Variants in ACACA observed in about 807,000 individuals in gnomAD.
The protein encoded by ACACA is acetyl-CoA carboxylase alpha.
Under a neutral mutation model 296.1 loss-of-function variants are expected in ACACA, and 103 were observed. That is an observed-to-expected ratio of 0.35 (90% confidence interval 0.30 to 0.41). ACACA has a LOEUF of 0.41. Ranked by LOEUF, ACACA falls within the 10% of genes least tolerant of loss-of-function variation. ACACA has a pLI of 1.00. For missense variants in ACACA, 1,554 were observed against 2,989.7 expected, an observed-to-expected ratio of 0.52 and a Z score of 11.20; for synonymous variants, 953 against 1,038.6, an observed-to-expected ratio of 0.92 and a Z score of 1.58.
Position 37,113,097 on chromosome 17 carries a change from C to A in ACACA, c.6443G>T (p.Arg2148Leu). The A allele has an allele frequency of 6.2e-7, 1 of 1,614,142 alleles. No individual in the cohort carries two copies. Among genetic ancestry groups the A allele is most frequent in the Non-Finnish European group, 8.5e-7 (1 of 1,180,034 alleles). The change falls in exon 51 of 56, where the codon CGA becomes CTA. Residue 2148 changes from arginine to leucine, a missense_variant. This residue lies in a region of ACACA where 553 missense variants were observed against 1,043.6 expected (regional missense o/e 0.53). Transcript: ENST00000616317. The surrounding 1 kb of genome is among the most constrained non-coding windows in gnomAD (Gnocchi z 4.0). Reference protein sequence around the residue: ...NPRHMEMYADRESRGSVLEPE... With the variant: ...NPRHMEMYADLESRGSVLEPE... ...GTGGAAGGCACGCTACCTGCTTTCT[C>A]GGTCAGCATACATCTCCATGTGCCG...
chr17:37,094,612 T>A (rs2072872521), intron 54 of ACACA, among the ~76,000 whole-genome samples: 1 of 133,858 alleles, frequency 7.5e-6, no homozygotes, highest in Non-Finnish European at 1.6e-5. Context: ...AGATTGTACA[T>A]CACTCCTTCT....
At chr17:37,283,618 G>A (rs1262384361) in intron 4 of ACACA, among the ~76,000 whole-genome samples, 1 of 152,200 alleles carries the variant, frequency 6.6e-6, no homozygotes, top group African/African-American at 2.4e-5. Flanking sequence ...ACTTGAGTAT[G>A]TGCCAGCTAA....
chr17:37,182,549 G>A (rs1237636337), intron 39 of ACACA, among the ~76,000 whole-genome samples: 1 of 152,032 alleles, frequency 6.6e-6, no homozygotes, highest in African/African-American at 2.4e-5. Context: ...TATTTATAAA[G>A]GATGCCATTA....
intron 1 of ACACA, among the ~76,000 whole-genome samples, chr17:37,356,579 T>C (rs1281728493): frequency 1.3e-5 from 2 of 151,984 alleles, no homozygotes; most frequent in African/African-American, 2.4e-5. Flanking sequence ...GGGGTTTCAC[T>C]GTGTTAGCCA....
chr17:37,224,508 C>T lies in ACACA; in HGVS notation c.3474+484G>A, dbSNP rs79044852. On this transcript the variant is annotated intron_variant, in intron 27 of 55. Coordinates refer to ENST00000616317, the MANE Select transcript of ACACA (RefSeq NM_198834.3). ...AAATTAGACAATAATCTCTTAAAAACGGGCTTCTTATAAAGCTTAATAATA... is the reference window on the plus strand; with the variant it reads ...AAATTAGACAATAATCTCTTAAAAATGGGCTTCTTATAAAGCTTAATAATA... 9.8e-3 allele frequency among the ~76,000 whole-genome samples: 1,489 copies of T among 152,182 alleles called. 24 individuals carry two copies. Among genetic ancestry groups the T allele is most frequent in the African/African-American group, 0.034 (1,417 of 41,520 alleles).
At chr17:37,267,400 G>C (rs1333966302) in intron 10 of ACACA, among the ~76,000 whole-genome samples, 5 of 152,174 alleles carry the variant, frequency 3.3e-5, no homozygotes, top group Admixed American at 2.0e-4. Flanking sequence ...TAGTAGGCTA[G>C]AATGGGCTCT....
At chr17:37,217,386 A>G (rs2079056089) in intron 29 of ACACA, among the ~76,000 whole-genome samples, 1 of 151,822 alleles carries the variant, frequency 6.6e-6, no homozygotes, top group Non-Finnish European at 1.5e-5. Context: ...AATTTTGTCT[A>G]CTTCAAAAAC....
intron 41 of ACACA, among the ~76,000 whole-genome samples, chr17:37,170,600 G>T (rs1040391173): frequency 2.0e-5 from 3 of 152,184 alleles, no homozygotes; most frequent in African/African-American, 7.2e-5. Flanking sequence ...CAGCGATACA[G>T]AAAGGCATTA....
rs75971714 is a variant in ACACA, at chr17:37,285,891, C to T, written c.339-921G>A. Among the ~76,000 whole-genome samples the T allele has an allele frequency of 7.7e-3, 1,178 of 152,076 alleles. 14 individuals are homozygous for T. Among genetic ancestry groups the T allele is most frequent in the African/African-American group, 0.027 (1,113 of 41,490 alleles). ...TTGATGCCTTATTAAATTGGCAGTA[C>T]TGTTTTTGTTGTTGTTTTGAGCCAG... On this transcript the variant is annotated intron_variant, in intron 3 of 55. Transcript: ENST00000616317.
rs1392164501 is a variant in ACACA at position 37,216,208 on chromosome 17, G to GTGTGTA, written c.3683+5515_3683+5516insTACACA. 1.3e-3 allele frequency among the ~76,000 whole-genome samples: 191 copies of GTGTGTA among 144,114 alleles called. 1 individual carries two copies. Among genetic ancestry groups the GTGTGTA allele is most frequent in the Admixed American group, 3.7e-3 (53 of 14,506 alleles). The allele number at this position is 144,114 out of a possible 152,430, so 94.5% of individuals were successfully genotyped here. On this transcript the variant is annotated intron_variant, in intron 29 of 55. Coordinates refer to ENST00000616317, the MANE Select transcript of ACACA (RefSeq NM_198834.3). ...CACACACGTGTGTGTGTGTGTGTGT[G>GTGTGTA]TATATATATATATATATATGTTTCT...
chr17:37,242,776 C>T (rs987671980), intron 22 of ACACA, among the ~76,000 whole-genome samples: 4 of 151,952 alleles, frequency 2.6e-5, no homozygotes, highest in African/African-American at 4.8e-5. Flanking sequence ...CGGTGGCTCA[C>T]GCCTGTAATC....
rs2077815526 is a variant in ACACA at position 37,192,778 on chromosome 17, A to AT, written c.4201-474dup. 5.9e-5 allele frequency among the ~76,000 whole-genome samples: 9 copies of AT among 152,274 alleles called. No homozygotes were observed. In the South Asian group the frequency reaches 1.9e-3, roughly 32 times the overall value. Reference sequence around the variant, plus strand: ...ATACTCAACAAAGAAACATCATACAATTTTTTAATTAAAGAGATATTTGGC... The same window carrying AT: ...ATACTCAACAAAGAAACATCATACAATTTTTTTAATTAAAGAGATATTTGGC... On this transcript the variant is annotated intron_variant, in intron 36 of 55. Coordinates refer to ENST00000616317, the MANE Select transcript of ACACA (RefSeq NM_198834.3).
chr17:37,221,858 C>G lies in ACACA; in HGVS notation c.3565-16G>C, dbSNP rs941181384. On this transcript the variant is annotated splice_polypyrimidine_tract_variant and intron_variant, in intron 28 of 55. Transcript: ENST00000616317. ...GAACATACACCTGGTTCAAAAGAAA[C>G]CCTCAGTAAATAAATTTCAAAAACA... 2 of 1,590,680 alleles carry G rather than the reference C, an allele frequency of 1.3e-6. No homozygotes were observed. The highest frequency in any genetic ancestry group is 1.7e-6 in the Non-Finnish European group (2 of 1,158,948).
chr17:37,232,884 C>T (rs1460104483), intron 25 of ACACA, among the ~76,000 whole-genome samples: 1 of 151,922 alleles, frequency 6.6e-6, no homozygotes, highest in Non-Finnish European at 1.5e-5. Flanking sequence ...TCCTCCTCCT[C>T]CTCTTCCCAT....
chr17:37,121,108 G>A (rs948185355), intron 50 of ACACA, among the ~76,000 whole-genome samples: 3 of 152,152 alleles, frequency 2.0e-5, no homozygotes, highest in Non-Finnish European at 2.9e-5. Flanking sequence ...CTGTGAGAGC[G>A]AGATCCACAA....
At chr17:37,131,129 C>T (rs529320901) in intron 45 of ACACA, among the ~76,000 whole-genome samples, 2 of 151,944 alleles carry the variant, frequency 1.3e-5, no homozygotes, top group Admixed American at 6.5e-5. Flanking sequence ...CCTCCTCCTT[C>T]CCTTCCCAGG....
chr17:37,261,424 C>T (rs2081510120), intron 11 of ACACA, among the ~76,000 whole-genome samples: 2 of 152,162 alleles, frequency 1.3e-5, no homozygotes, highest in Admixed American at 6.5e-5. Context: ...AAGCAAATAG[C>T]CCAGAAGCTT....
chr17:37,124,160 T>C (rs2074662003), intron 48 of ACACA, among the ~76,000 whole-genome samples: 3 of 152,246 alleles, frequency 2.0e-5, no homozygotes, highest in African/African-American at 7.2e-5. Flanking sequence ...TGAAATGCCA[T>C]TGCTTTTGAA....
intron 14 of ACACA, among the ~76,000 whole-genome samples, chr17:37,253,371 G>A (rs916830014): frequency 1.2e-4 from 18 of 152,028 alleles, no homozygotes; most frequent in Non-Finnish European, 1.5e-4. Context: ...TAGCCTGGGC[G>A]ACAGAGCGAG....
Sources: gnomAD v4.1 joint callset for allele counts (sites outside exome capture counted in the v4.1 genomes callset) on GRCh38, gnomAD v4.1.1 for gene constraint, gnomAD v4.1.1 regional missense constraint, Gnocchi (gnomAD v3.1) non-coding constraint, MANE v1.5 for transcripts, NCBI Gene and HGNC (gene_info 2026-07-23, HGNC 2026-07-21) for gene names.